FER1L6: variants seen among roughly 807,000 people sequenced by gnomAD.
FER1L6 encodes fer-1 like family member 6, also known as fer-1-like protein 6.
Under a neutral mutation model 219.2 loss-of-function variants are expected in FER1L6, and 177 were observed. The ratio of observed to expected loss-of-function variants is 0.81; its 90% CI spans 0.71 to 0.91. The LOEUF (loss-of-function observed/expected upper bound fraction) is 0.91. Among genes scored for constraint, FER1L6 ranks in the 40% least tolerant of loss-of-function variants. The pLI, the probability that FER1L6 is intolerant of heterozygous loss-of-function variation, is 0.00. For synonymous variants in FER1L6, 768 were observed against 824.3 expected (o/e 0.93, Z 1.17); for missense variants, 2,153 against 2,259.9 (o/e 0.95, Z 0.96).
chr8:123,900,729 C>T (rs540488270), intron 1 of FER1L6, among the ~76,000 whole-genome samples: 2 of 152,130 alleles, frequency 1.3e-5, no homozygotes, highest in East Asian at 1.9e-4. Context: ...TGGATTTTGT[C>T]GAATGCTTTT....
At chr8:123,996,840 C>A (rs79818204) in intron 12 of FER1L6, among the ~76,000 whole-genome samples, 1,695 of 151,880 alleles carry the variant, frequency 0.011, 30 homozygotes, top group African/African-American at 0.037. Context: ...TCTTGTAACC[C>A]ATATTTTAAA....
intron 1 of FER1L6, among the ~76,000 whole-genome samples, chr8:123,949,600 A>G (rs187357587): frequency 1.3e-5 from 2 of 152,336 alleles, no homozygotes; most frequent in East Asian, 3.9e-4. Context: ...TGTTTGGACT[A>G]GAGTCCAGAT....
chr8:123,885,172 T>A (rs1328986757), intron 1 of FER1L6, among the ~76,000 whole-genome samples: 1 of 152,150 alleles, frequency 6.6e-6, no homozygotes, highest in Non-Finnish European at 1.5e-5. Flanking sequence ...CCCAGCACCT[T>A]AGTTTTGGAC....
In FER1L6 at chr8:123,877,533, C is replaced by G. The variant is rs558605778; in HGVS notation, c.-8+25348C>G. Among the ~76,000 whole-genome samples the G allele has an allele frequency of 4.6e-5, 7 of 152,100 alleles. No individual in the cohort carries two copies. In the South Asian group the frequency reaches 8.3e-4, roughly 18 times the overall value. ...TGAGGTGGGGGACATGGCCAAACAC[C>G]TTCAGCAGTGGGCATGAGAAGGCTG... On this transcript the variant is annotated intron_variant, in intron 1 of 40. Transcript: ENST00000522917.
chr8:124,092,774 G>C (rs1279477166), intron 34 of FER1L6, among the ~76,000 whole-genome samples: 1 of 152,130 alleles, frequency 6.6e-6, no homozygotes, highest in Non-Finnish European at 1.5e-5. Flanking sequence ...TGCAGTCATG[G>C]TGGAAGGCAA....
In FER1L6 at chr8:124,119,984, A is replaced by G. The variant is rs1823420641; in HGVS notation, c.*194A>G. On this transcript the variant is annotated 3_prime_UTR_variant, in exon 41 of 41. Coordinates refer to ENST00000522917, the MANE Select transcript of FER1L6 (RefSeq NM_001039112.2). ...CCTCCAAGTTTCAAACTTGTAAGGC[A>G]TGTTTTATCCCTTGGGCAGCATGAA... 7.5e-6 allele frequency: 4 copies of G among 535,534 alleles called. No homozygotes were observed. The South Asian group carries it at 1.6e-4, about 21-fold the overall frequency. 33.2% of individuals were successfully genotyped at this position (535,534 alleles called of 1,614,324 possible). A position where few individuals can be genotyped will look rare whatever the true frequency, so the allele number is the denominator to read the frequency against.
chr8:124,105,318 C>T (rs1279684625), intron 39 of FER1L6, among the ~76,000 whole-genome samples: 1 of 152,084 alleles, frequency 6.6e-6, no homozygotes. Context: ...GAGGGCAGTG[C>T]TGGTGAAGTG....
In FER1L6 at chr8:124,023,603, G is replaced by A. The variant is rs1818567006; in HGVS notation, c.2286+7G>A. 1.2e-6 allele frequency: 2 copies of A among 1,613,606 alleles called. No individual in the cohort carries two copies. Among genetic ancestry groups the A allele is most frequent in the East Asian group, 4.5e-5 (2 of 44,874 alleles). On this transcript the variant is annotated splice_region_variant and intron_variant, in intron 18 of 40. Transcript: ENST00000522917. Reference sequence around the variant, plus strand: ...CAAAACTCACTTCCTCAAAGTAAGTGTGCAGTATTTTAACTAAAAGAAGGG... The same window carrying A: ...CAAAACTCACTTCCTCAAAGTAAGTATGCAGTATTTTAACTAAAAGAAGGG...
chr8:123,913,011 T>C (rs1813084206), intron 1 of FER1L6, among the ~76,000 whole-genome samples: 1 of 152,178 alleles, frequency 6.6e-6, no homozygotes, highest in Non-Finnish European at 1.5e-5. Context: ...TAACTGAGGA[T>C]GACATCTTGG....
chr8:124,100,981 A>C (rs1822524386), intron 37 of FER1L6, 116 bp from the exon 38 acceptor site: 15 of 964,264 alleles, frequency 1.6e-5, no homozygotes, highest in African/African-American at 4.9e-5. Flanking sequence ...ATCTAATTAT[A>C]ATGATTTTTA....
chr8:123,904,147 G>T (rs1305156557), intron 1 of FER1L6, among the ~76,000 whole-genome samples: 1 of 151,988 alleles, frequency 6.6e-6, no homozygotes, highest in Non-Finnish European at 1.5e-5. Context: ...AGGTGTATAA[G>T]TCTTGTTTTG....
chr8:124,029,615 G>GT (rs1399344513), intron 18 of FER1L6, among the ~76,000 whole-genome samples: 2 of 152,054 alleles, frequency 1.3e-5, no homozygotes, highest in Admixed American at 6.5e-5. Flanking sequence ...TAATGGGGTT[G>GT]TTTTTTTCTT....
chr8:123,969,155 C>T (rs1815686611), intron 5 of FER1L6, among the ~76,000 whole-genome samples: 1 of 152,110 alleles, frequency 6.6e-6, no homozygotes, highest in Non-Finnish European at 1.5e-5. Context: ...CAATAACTAC[C>T]AATAGGAATC....
intron 30 of FER1L6, among the ~76,000 whole-genome samples, chr8:124,070,999 AT>A (rs1437447171): frequency 2.0e-5 from 3 of 152,248 alleles, no homozygotes; most frequent in Non-Finnish European, 2.9e-5. Context: ...AGCATTCACT[AT>A]AAACATACTA....
At chr8:124,106,371 C>T (rs538626357) in intron 39 of FER1L6, among the ~76,000 whole-genome samples, 19 of 137,934 alleles carry the variant, frequency 1.4e-4, no homozygotes, top group South Asian at 9.3e-4. Flanking sequence ...ACAGAGTGGA[C>T]GTTATGATAT....
At chr8:123,909,483 A>G (rs1440232912) in intron 1 of FER1L6, among the ~76,000 whole-genome samples, 1 of 152,134 alleles carries the variant, frequency 6.6e-6, no homozygotes, top group Non-Finnish European at 1.5e-5. Flanking sequence ...GAGGTGAGTT[A>G]GGAGGATGCC....
intron 1 of FER1L6, among the ~76,000 whole-genome samples, chr8:123,952,148 G>C (rs983387350): frequency 3.3e-5 from 5 of 151,390 alleles, no homozygotes; most frequent in African/African-American, 1.2e-4. Flanking sequence ...TAACATCCCA[G>C]TGAGAAAAAG....
chr8:124,011,917 A>G (rs967968163), intron 14 of FER1L6, among the ~76,000 whole-genome samples: 7 of 152,206 alleles, frequency 4.6e-5, no homozygotes, highest in African/African-American at 1.7e-4. Flanking sequence ...GCCACTAAAT[A>G]ATTATTCAGG....
Position 124,003,140 on chromosome 8 carries a change from C to T in FER1L6, c.1520-27C>T, listed in dbSNP as rs531188601. The T allele has an allele frequency of 7.5e-6, 12 of 1,604,568 alleles. No individual in the cohort carries two copies. In the African/African-American group the frequency reaches 1.1e-4, roughly 14 times the overall value. On this transcript the variant is annotated intron_variant, in intron 12 of 40. Transcript: ENST00000522917. Reference sequence around the variant, plus strand: ...TGATTCTGATTACCACCACCTGACCCCTTTCCCCTTGCTACTGCCTCTGCA... The same window carrying T: ...TGATTCTGATTACCACCACCTGACCTCTTTCCCCTTGCTACTGCCTCTGCA...
Sources: allele counts gnomAD v4.1 joint callset (sites outside exome capture counted in the v4.1 genomes callset), GRCh38; gene constraint gnomAD v4.1.1; transcripts MANE v1.5; gene names NCBI Gene and HGNC (gene_info 2026-07-23, HGNC 2026-07-21).